Variants in SMARCA4 observed in about 807,000 individuals in gnomAD.
SMARCA4 encodes the protein SWI/SNF related BAF chromatin remodeling complex subunit ATPase 4.
Under a neutral mutation model 193.9 loss-of-function variants are expected in SMARCA4, and 31 were observed. The observed-to-expected ratio is 0.16, with a 90% CI of 0.12 to 0.22. The LOEUF is 0.22. Among genes scored for constraint, SMARCA4 ranks in the 10% least tolerant of loss-of-function variants. The probability of loss-of-function intolerance (pLI) is 1.00; values close to 1 mark genes in which losing one functional copy is unlikely to be tolerated. For synonymous variants in SMARCA4, 942 were observed against 933.1 expected (o/e 1.01, Z -0.17); for missense variants, 1,148 against 2,296.0 (o/e 0.50, Z 10.22).
chr19:10,972,995 G>C (rs2084803846), intron 1 of SMARCA4, among the ~76,000 whole-genome samples: 1 of 152,076 alleles, frequency 6.6e-6, no homozygotes. Context: ...TGTAGTTCCA[G>C]CTACTTGGGA....
In SMARCA4 at chr19:11,061,963, A is replaced by C. The variant is rs944913794; in HGVS notation, c.*147A>C. 6 of 775,216 alleles carry C rather than the reference A, an allele frequency of 7.7e-6. No individual in the cohort carries two copies. The Admixed American group carries it at 1.2e-4, about 15-fold the overall frequency. The allele number at this position is 775,216 out of a possible 1,614,324, so 48.0% of individuals were successfully genotyped here. A position where few individuals can be genotyped will look rare whatever the true frequency, so the allele number is the denominator to read the frequency against. On this transcript the variant is annotated 3_prime_UTR_variant, in exon 35 of 35. Transcript: ENST00000344626. ...AGAATCTTCCATATTTATACAGCAG[A>C]GAAGCTGTAGGACTGTTTGTGACTG...
At chr19:11,011,641 C>T (rs1305067370) in intron 15 of SMARCA4, 1 of 152,202 alleles carries the variant, frequency 6.6e-6, no homozygotes, top group African/African-American at 2.4e-5. Context: ...CGCATGAGCC[C>T]AGGAGTTGAA....
chr19:11,053,199 C>T (rs896641673), intron 30 of SMARCA4, among the ~76,000 whole-genome samples: 1 of 151,946 alleles, frequency 6.6e-6, no homozygotes, highest in African/African-American at 2.4e-5. Flanking sequence ...TCAGGAGTTA[C>T]AAAAAACGGA....
At chr19:10,974,683 ATATATATTTTTTTT>A (rs2084961737) in intron 1 of SMARCA4, among the ~76,000 whole-genome samples, 1 of 45,410 alleles carries the variant, frequency 2.2e-5, no homozygotes, top group African/African-American at 9.1e-5. Flanking sequence ...ATATATATAT[ATATATATTTTTTTT>A]TTTTTTTTTT....
At chr19:10,997,101 C>T (rs1428505879) in intron 11 of SMARCA4, among the ~76,000 whole-genome samples, 2 of 152,022 alleles carry the variant, frequency 1.3e-5, no homozygotes, top group Non-Finnish European at 2.9e-5. Flanking sequence ...CTCATTGCAG[C>T]CTCCGCCCCG....
At chr19:10,975,874 T>C (rs2085085449) in intron 1 of SMARCA4, among the ~76,000 whole-genome samples, 1 of 152,202 alleles carries the variant, frequency 6.6e-6, no homozygotes, top group Non-Finnish European at 1.5e-5. Context: ...TGTTTTCTCC[T>C]TGTGGAGGCC....
chr19:11,009,511 C>G (rs1200313381), intron 14 of SMARCA4, among the ~76,000 whole-genome samples: 1 of 151,976 alleles, frequency 6.6e-6, no homozygotes, highest in Non-Finnish European at 1.5e-5. Flanking sequence ...TGTGCTGTGG[C>G]AAGTGACAGC....
chr19:11,041,655 C>T lies in SMARCA4; in HGVS notation c.4424+95C>T, dbSNP rs977467410. ...TGACTCTGCACACTCAGGCTTGGGC[C>T]GCTCACTCTTTCACTCATCCACAAA... is the stretch of plus-strand genomic sequence containing the variant. On this transcript the variant is annotated intron_variant, in intron 30 of 34. Coordinates refer to ENST00000344626, the MANE Select transcript of SMARCA4 (RefSeq NM_003072.5). This position sits in a 1 kb window ranked among gnomAD's most constrained non-coding sequence, Gnocchi z 5.6. 6.2e-6 allele frequency: 7 copies of T among 1,125,754 alleles called. No individual in the cohort carries two copies. The highest frequency in any genetic ancestry group is 2.5e-5 in the East Asian group (1 of 40,772). 69.7% of individuals were successfully genotyped at this position (1,125,754 alleles called of 1,614,324 possible). A position where few individuals can be genotyped will look rare whatever the true frequency, so the allele number is the denominator to read the frequency against.
Position 11,013,131 on chromosome 19 carries a change from C to G in SMARCA4, c.2438+19C>G, listed in dbSNP as rs762977031. 6.2e-7 allele frequency: 1 copy of G among 1,613,252 alleles called. No homozygotes were observed. ...CTCTCTCGTGAGTACCCGCTGCCAG[C>G]AACATCCCACACGCCGCTCACACGC... On this transcript the variant is annotated intron_variant, in intron 16 of 34. Coordinates refer to ENST00000344626, the MANE Select transcript of SMARCA4 (RefSeq NM_003072.5).
intron 16 of SMARCA4, among the ~76,000 whole-genome samples, chr19:11,016,393 G>A (rs73013169): frequency 1.3e-5 from 2 of 151,954 alleles, no homozygotes; most frequent in Non-Finnish European, 2.9e-5. Flanking sequence ...AGCAGCAAAC[G>A]TCAGATAAGT....
chr19:11,058,271 C>G lies in SMARCA4; in HGVS notation c.4441C>G (p.Leu1481Val). ...GCCTTGCAGCAGCAGTGGACGTCAGCTCAGCGAGGTCTTCATCCAGCTGCC... is the reference window on the plus strand; with the variant it reads ...GCCTTGCAGCAGCAGTGGACGTCAGGTCAGCGAGGTCTTCATCCAGCTGCC... ...KYKDSSSGRQ[L>V]SEVFIQLPSR... Residue 1481 changes from leucine to valine, a missense_variant, in exon 31 of 35, where the codon CTC (leucine) becomes GTC (valine). Around this residue, in one of 17 missense-constraint regions of SMARCA4, gnomAD observed 141 missense variants for 193.0 expected, o/e 0.73. Transcript: ENST00000344626. The surrounding 1 kb of genome is among the most constrained non-coding windows in gnomAD (Gnocchi z 5.8). 1 of 1,612,706 alleles carries G rather than the reference C, an allele frequency of 6.2e-7. No homozygotes were observed. The highest frequency in any genetic ancestry group is 8.5e-7 in the Non-Finnish European group (1 of 1,179,752).
rs1367922115 is a variant in SMARCA4 at position 11,041,272 on chromosome 19, C to A, written c.4171-35C>A. On this transcript the variant is annotated intron_variant, in intron 29 of 34. Transcript: ENST00000344626. The surrounding 1 kb of genome is among the most constrained non-coding windows in gnomAD (Gnocchi z 5.6). ...CGGCCTCTGCTTGTCGACCTGGGTG[C>A]TGGCTGTCCTATTTTACTACTATTG... 1 of 1,579,820 alleles carries A rather than the reference C, an allele frequency of 6.3e-7. No homozygotes were observed. Among genetic ancestry groups the A allele is most frequent in the Non-Finnish European group, 8.6e-7 (1 of 1,161,010 alleles).
intron 1 of SMARCA4, among the ~76,000 whole-genome samples, chr19:10,978,942 CTG>C (rs896674634): frequency 2.0e-5 from 3 of 151,986 alleles, no homozygotes; most frequent in Non-Finnish European, 4.4e-5. Flanking sequence ...GAGCAAGACT[CTG>C]TCTCTAAATA....
In SMARCA4 at chr19:11,023,875, G is replaced by T. The variant is rs528669646; in HGVS notation, c.2973+244G>T. On this transcript the variant is annotated intron_variant, in intron 20 of 34. Coordinates refer to ENST00000344626, the MANE Select transcript of SMARCA4 (RefSeq NM_003072.5). ...CACAAAATCCCACTTCCTGTCAGGG[G>T]GCCAGGTGCCTGTGCGGGCTCTCCT... is the stretch of plus-strand genomic sequence containing the variant. 3.9e-5 allele frequency among the ~76,000 whole-genome samples: 6 copies of T among 152,336 alleles called. No individual in the cohort carries two copies. The East Asian group carries it at 1.2e-3, about 29-fold the overall frequency.
intron 1 of SMARCA4, among the ~76,000 whole-genome samples, chr19:10,980,582 A>G (rs2085481788): frequency 6.6e-6 from 1 of 151,780 alleles, no homozygotes; most frequent in African/African-American, 2.4e-5. Flanking sequence ...TGCAGTGAGC[A>G]GAGATCATGT....
intron 1 of SMARCA4, among the ~76,000 whole-genome samples, chr19:10,982,469 C>T (rs934492264): frequency 2.0e-5 from 3 of 151,858 alleles, no homozygotes; most frequent in East Asian, 1.9e-4. Context: ...AGTGAAACTT[C>T]GTCTCAAAAA....
At chr19:11,013,941 C>G (rs1322428322) in intron 16 of SMARCA4, among the ~76,000 whole-genome samples, 1 of 152,162 alleles carries the variant, frequency 6.6e-6, no homozygotes, top group African/African-American at 2.4e-5. Context: ...CTCTCGACAT[C>G]TCTCTACCCA....
At chr19:11,049,433 G>A (rs138989525) in intron 30 of SMARCA4, among the ~76,000 whole-genome samples, 4 of 151,978 alleles carry the variant, frequency 2.6e-5, no homozygotes, top group South Asian at 2.1e-4. Flanking sequence ...GGTCAGGTTC[G>A]GGCTTGTGGG....
rs1300802922 is a variant in SMARCA4, at chr19:11,021,790, G to A, written c.2682G>A (p.Thr894=). Residue 894 remains threonine, a synonymous_variant, in exon 19 of 35, where the codon ACG becomes ACA. Coordinates refer to ENST00000344626, the MANE Select transcript of SMARCA4 (RefSeq NM_003072.5). ...HRMKNHHCKL[T]QVLNTHYVAP... ...TGAAGAACCACCACTGCAAGCTGACGCAGGTGCTCAACACGCACTATGTGG... is the reference window on the plus strand; with the variant it reads ...TGAAGAACCACCACTGCAAGCTGACACAGGTGCTCAACACGCACTATGTGG... 8 of 1,613,760 alleles carry A rather than the reference G, an allele frequency of 5.0e-6. No homozygotes were observed. The highest frequency in any genetic ancestry group is 4.5e-5 in the East Asian group (2 of 44,894).
Sources: gnomAD v4.1 joint callset for allele counts (sites outside exome capture counted in the v4.1 genomes callset) on GRCh38, gnomAD v4.1.1 for gene constraint, gnomAD v4.1.1 regional missense constraint, Gnocchi (gnomAD v3.1) non-coding constraint, MANE v1.5 for transcripts, NCBI Gene and HGNC (gene_info 2026-07-23, HGNC 2026-07-21) for gene names.